The following TEX36 variants were observed in gnomAD, a reference collection of about 807,000 sequenced individuals.
TEX36 encodes testis expressed 36, also known as testis-expressed protein 36.
A neutral mutation model predicts 13.6 loss-of-function variants in TEX36; 12 were observed. The ratio of observed to expected loss-of-function variants is 0.88; its 90% CI spans 0.56 to 1.43. TEX36 has a LOEUF of 1.43. Among genes scored for constraint, TEX36 ranks in the 40% most tolerant of loss-of-function variants. The pLI, the probability that TEX36 is intolerant of heterozygous loss-of-function variation, is 0.00. For missense variants in TEX36, 224 were observed against 228.3 expected, an observed-to-expected ratio of 0.98 and a Z score of 0.12; for synonymous variants, 93 against 83.0, an observed-to-expected ratio of 1.12 and a Z score of -0.65.
chr10:125,642,385 C>A (rs1846705221), intron 3 of TEX36, among the ~76,000 whole-genome samples: 1 of 152,162 alleles, frequency 6.6e-6, no homozygotes, highest in Admixed American at 6.5e-5. Flanking sequence ...AAACCAACCA[C>A]AACAAAAACA....
rs530946690 is a variant in TEX36 at position 125,643,320 on chromosome 10, T to C, written c.264+17701A>G. On this transcript the variant is annotated intron_variant, in intron 3 of 3. Coordinates refer to the TEX36 transcript ENST00000526819. ...GAAGAACGTATATACTGCTCACAGG[T>C]AAGCTATCAAGGATCTTCAAAAAGC... is the stretch of plus-strand genomic sequence containing the variant. Among the ~76,000 whole-genome samples, 6 of 152,294 alleles carry C rather than the reference T, an allele frequency of 3.9e-5. No homozygotes were observed. In the South Asian group the frequency reaches 6.2e-4, roughly 16 times the overall value.
intron 3 of TEX36, among the ~76,000 whole-genome samples, chr10:125,577,123 A>G (rs1271830770): frequency 6.6e-6 from 1 of 152,204 alleles, no homozygotes; most frequent in Non-Finnish European, 1.5e-5. Context: ...AATGAGGGGC[A>G]GCCCTCAGCA....
At chr10:125,597,999 T>C (rs76362033) in intron 3 of TEX36, among the ~76,000 whole-genome samples, 2,382 of 152,328 alleles carry the variant, frequency 0.016, 99 homozygotes, top group East Asian at 0.15. Context: ...TAGAGCTAGC[T>C]AGGTGCCTGG....
At chr10:125,577,628 G>A (rs1336215027) in intron 3 of TEX36, among the ~76,000 whole-genome samples, 3 of 152,206 alleles carry the variant, frequency 2.0e-5, no homozygotes, top group East Asian at 1.9e-4. Context: ...TAATTAACAC[G>A]ATAGAGTATT....
chr10:125,605,330 C>T (rs1846202192), intron 3 of TEX36, among the ~76,000 whole-genome samples: 1 of 152,014 alleles, frequency 6.6e-6, no homozygotes, highest in African/African-American at 2.4e-5. Context: ...TCTCCACACG[C>T]AGCATAGTGC....
intron 3 of TEX36, among the ~76,000 whole-genome samples, chr10:125,613,392 C>T (rs919533283): frequency 3.3e-5 from 5 of 149,848 alleles, no homozygotes; most frequent in Non-Finnish European, 7.4e-5. Flanking sequence ...AACTCGTCAT[C>T]TAGCATTAGG....
At chr10:125,592,458 T>A (rs959996031) in intron 3 of TEX36, among the ~76,000 whole-genome samples, 3 of 152,152 alleles carry the variant, frequency 2.0e-5, no homozygotes, top group African/African-American at 7.2e-5. Context: ...GAGATTTCTG[T>A]AGAAGATAGA....
chr10:125,635,129 G>A (rs1281917392), intron 3 of TEX36, among the ~76,000 whole-genome samples: 1 of 152,200 alleles, frequency 6.6e-6, no homozygotes, highest in Non-Finnish European at 1.5e-5. Flanking sequence ...AGTGTAACTA[G>A]GGGCTTGATT....
At chr10:125,612,425 C>T (rs1031922175) in intron 3 of TEX36, among the ~76,000 whole-genome samples, 1 of 152,158 alleles carries the variant, frequency 6.6e-6, no homozygotes, top group African/African-American at 2.4e-5. Flanking sequence ...TCTTGTGTTA[C>T]CACTCAGGGA....
intron 3 of TEX36, among the ~76,000 whole-genome samples, chr10:125,614,504 A>G (rs1846332315): frequency 6.6e-6 from 1 of 151,888 alleles, no homozygotes; most frequent in Non-Finnish European, 1.5e-5. Context: ...ACATATGGCT[A>G]GCCAGTTTTC....
In TEX36 at chr10:125,581,415, C is replaced by T. The variant is rs149442436; in HGVS notation, c.265-4541G>A. 6.6e-5 allele frequency among the ~76,000 whole-genome samples: 10 copies of T among 152,312 alleles called. No homozygotes were observed. The East Asian group carries it at 1.9e-3, about 29-fold the overall frequency. ...TCATCCTCCCAGGCGCATCCTCCTG[C>T]GTAACTCGCCCCTCGGGCACATCCT... is the stretch of plus-strand genomic sequence containing the variant. On this transcript the variant is annotated intron_variant, in intron 3 of 3. Coordinates refer to the TEX36 transcript ENST00000532135.
chr10:125,615,679 T>G (rs7917951), intron 3 of TEX36, among the ~76,000 whole-genome samples: 28,201 of 147,074 alleles, frequency 0.19, 4,080 homozygotes, highest in African/African-American at 0.41. Flanking sequence ...GCTGGATTCG[T>G]TTTGCCAGTA....
downstream of TEX36, chr10:125,655,577 C>T (rs1386570101): frequency 1.5e-6 from 1 of 688,412 alleles, no homozygotes; most frequent in Non-Finnish European, 1.9e-6. Flanking sequence ...TGAGGACATA[C>T]AGGATTGGAG....
intron 3 of TEX36, among the ~76,000 whole-genome samples, chr10:125,600,859 A>G (rs1345304459): frequency 1.3e-5 from 2 of 152,230 alleles, no homozygotes; most frequent in East Asian, 3.8e-4. Context: ...TGATTTTGCA[A>G]CTGTGAGACA....
At position 125,600,715 on chromosome 10, in the gene TEX36, G is replaced by A. The variant is rs149631977; in HGVS notation, c.265-23841C>T. Among the ~76,000 whole-genome samples the A allele has an allele frequency of 3.3e-5, 5 of 152,274 alleles. No individual in the cohort carries two copies. In the East Asian group the frequency reaches 9.6e-4, roughly 29 times the overall value. ...AGTTACAGAGCTCAGGAGGACAACTGTCCCATCTTTAAGCTAAACACAAAT... is the reference window on the plus strand; with the variant it reads ...AGTTACAGAGCTCAGGAGGACAACTATCCCATCTTTAAGCTAAACACAAAT... On this transcript the variant is annotated intron_variant, in intron 3 of 3. Coordinates refer to the TEX36 transcript ENST00000532135.
intron 3 of TEX36, among the ~76,000 whole-genome samples, chr10:125,597,765 G>A (rs914412051): frequency 1.3e-5 from 2 of 152,150 alleles, no homozygotes; most frequent in Non-Finnish European, 2.9e-5. Context: ...TTAGTCCTTA[G>A]TTCCCCCTTA....
chr10:125,673,422 G>T (rs1847263131), intron 1 of TEX36, among the ~76,000 whole-genome samples: 1 of 152,092 alleles, frequency 6.6e-6, no homozygotes, highest in Admixed American at 6.5e-5. Flanking sequence ...TTTGCTTTAA[G>T]AATGTTGAGG....
intron 3 of TEX36, among the ~76,000 whole-genome samples, chr10:125,632,661 T>G (rs1358888241): frequency 1.3e-5 from 2 of 152,228 alleles, no homozygotes; most frequent in African/African-American, 4.8e-5. Context: ...CTGGTGTATC[T>G]GTCACCAGCT....
intron 2 of TEX36, among the ~76,000 whole-genome samples, 158 bp downstream of exon 2, chr10:125,661,688 C>G (rs1847045313): frequency 6.6e-6 from 1 of 152,180 alleles, no homozygotes; most frequent in African/African-American, 2.4e-5. Flanking sequence ...CGCAGAGCAC[C>G]AGGGTATGGG....
Sources: gnomAD v4.1 joint callset for allele counts (sites outside exome capture counted in the v4.1 genomes callset) on GRCh38, gnomAD v4.1.1 for gene constraint, MANE v1.5 for transcripts, NCBI Gene and HGNC (gene_info 2026-07-23, HGNC 2026-07-21) for gene names.